The following NFYC variants were observed in gnomAD, a reference collection of about 807,000 sequenced individuals.
The protein encoded by NFYC is nuclear transcription factor Y subunit gamma.
NFYC carries 25 observed loss-of-function variants against 53.1 expected under a neutral mutation model. The ratio of observed to expected loss-of-function variants is 0.47; its 90% CI spans 0.34 to 0.66. NFYC has a LOEUF of 0.66. Ranked by LOEUF, NFYC falls within the 30% of genes least tolerant of loss-of-function variation. The pLI is 0.01. For synonymous variants in NFYC, 145 were observed against 152.6 expected (o/e 0.95, Z 0.37); for missense variants, 260 against 422.7 (o/e 0.62, Z 3.38).
At chr1:40,756,762 A>G (rs1235402351) in intron 5 of NFYC, among the ~76,000 whole-genome samples, 1 of 152,198 alleles carries the variant, frequency 6.6e-6, no homozygotes, top group Non-Finnish European at 1.5e-5. Context: ...TCCTGCCTCT[A>G]ACTGTCTGCC....
At chr1:40,716,135 G>A (rs896232029) in intron 1 of NFYC, among the ~76,000 whole-genome samples, 18 of 152,096 alleles carry the variant, frequency 1.2e-4, no homozygotes, top group African/African-American at 3.6e-4. Context: ...AATTCACCAC[G>A]CATGCATGTC....
chr1:40,770,330 A>C lies in NFYC; in HGVS notation c.889-379A>C. On this transcript the variant is annotated intron_variant, in intron 9 of 9. Coordinates refer to ENST00000447388, the MANE Select transcript of NFYC (RefSeq NM_014223.5). The surrounding 1 kb of genome is among the most constrained non-coding windows in gnomAD (Gnocchi z 5.3). ...CTGCCCCTGCCAGTGTAGATTACCA[A>C]GAGTTGGGGAAATGCTGACTTCCAA... The C allele has an allele frequency of 4.2e-6, 6 of 1,442,164 alleles. No individual in the cohort carries two copies. The highest frequency in any genetic ancestry group is 1.4e-5 in the South Asian group (1 of 73,898). The allele number at this position is 1,442,164 out of a possible 1,614,324, so 89.3% of individuals were successfully genotyped here. A position where few individuals can be genotyped will look rare whatever the true frequency, so the allele number is the denominator to read the frequency against.
At chr1:40,723,243 A>G (rs12727412) in intron 1 of NFYC, 32,551 of 152,120 alleles carry the variant, frequency 0.21, 4,126 homozygotes, top group South Asian at 0.41. Context: ...AAACTGGGCA[A>G]GAGGCTGTTT....
chr1:40,728,458 G>A (rs549414669), intron 1 of NFYC, among the ~76,000 whole-genome samples: 2 of 151,900 alleles, frequency 1.3e-5, no homozygotes, highest in South Asian at 4.2e-4. Flanking sequence ...TTAGCTGGGC[G>A]TGGTGGCGCA....
chr1:40,727,532 C>CTTTTTT (rs372284521), intron 1 of NFYC, among the ~76,000 whole-genome samples: 1 of 130,146 alleles, frequency 7.7e-6, no homozygotes, highest in South Asian at 2.5e-4. Context: ...CATGAATATT[C>CTTTTTT]TTTTTTTTTT....
chr1:40,703,231 T>G (rs143779230), intron 1 of NFYC, among the ~76,000 whole-genome samples: 1 of 152,144 alleles, frequency 6.6e-6, no homozygotes, highest in African/African-American at 2.4e-5. Flanking sequence ...GGCTCACACA[T>G]ACAATCCCAG....
intron 5 of NFYC, 95 bp downstream of exon 5, chr1:40,753,341 C>G: frequency 1.2e-6 from 1 of 801,724 alleles, no homozygotes; most frequent in Non-Finnish European, 2.1e-6. Flanking sequence ...AAGTCATTTG[C>G]TATTCCTTTT....
At chr1:40,713,344 A>G (rs1454042662) in intron 1 of NFYC, among the ~76,000 whole-genome samples, 1 of 152,250 alleles carries the variant, frequency 6.6e-6, no homozygotes, top group Non-Finnish European at 1.5e-5. Flanking sequence ...GTTTGGCAAA[A>G]TTGATACTGA....
intron 7 of NFYC, among the ~76,000 whole-genome samples, chr1:40,764,678 T>G (rs2361650): frequency 6.6e-6 from 1 of 152,116 alleles, no homozygotes; most frequent in African/African-American, 2.4e-5. Flanking sequence ...CCAGACTCTT[T>G]AGGCAGCTCA....
chr1:40,744,627 G>GGT (rs1645516369), intron 2 of NFYC, among the ~76,000 whole-genome samples: 1 of 152,192 alleles, frequency 6.6e-6, no homozygotes. Flanking sequence ...GTAGTTCTTT[G>GGT]GTAGTGGTCA....
At chr1:40,760,346 C>T (rs1646474942) in intron 6 of NFYC, among the ~76,000 whole-genome samples, 1 of 152,162 alleles carries the variant, frequency 6.6e-6, no homozygotes, top group Admixed American at 6.5e-5. Context: ...GCAGGAGGGT[C>T]GCATGGGCCC....
At position 40,755,830 on chromosome 1, in the gene NFYC, T is replaced by A. The variant is rs573125519; in HGVS notation, c.388-2291T>A. On this transcript the variant is annotated intron_variant, in intron 5 of 9. Coordinates refer to ENST00000447388, the MANE Select transcript of NFYC (RefSeq NM_014223.5). ...GTAAGCAGCATAGGAGGAGCTCTTGTCCTGCTCTCACAGCTTTTGGCAAGA... is the reference window on the plus strand; with the variant it reads ...GTAAGCAGCATAGGAGGAGCTCTTGACCTGCTCTCACAGCTTTTGGCAAGA... Among the ~76,000 whole-genome samples the A allele has an allele frequency of 3.3e-5, 5 of 152,304 alleles. No homozygotes were observed. The South Asian group carries it at 1.0e-3, about 32-fold the overall frequency.
At chr1:40,759,454 T>C (rs1329719259) in intron 6 of NFYC, among the ~76,000 whole-genome samples, 1 of 151,796 alleles carries the variant, frequency 6.6e-6, no homozygotes, top group African/African-American at 2.4e-5. Flanking sequence ...GAGGATCGCT[T>C]GAGCCAAGGA....
chr1:40,719,055 AGAGACGGGG>A (rs1323323942), intron 1 of NFYC, among the ~76,000 whole-genome samples: 7 of 152,154 alleles, frequency 4.6e-5, no homozygotes, highest in Admixed American at 1.3e-4. Flanking sequence ...TATTTTTAGT[AGAGACGGGG>A]TTTCACCATG....
chr1:40,757,840 G>C, intron 5 of NFYC: 1 of 512,322 alleles, frequency 2.0e-6, no homozygotes, highest in South Asian at 2.1e-5. Flanking sequence ...TTTTAGTTAC[G>C]GTACTTATTT....
At chr1:40,747,747 C>A in intron 3 of NFYC, 142 bp downstream of exon 3, 1 of 637,894 alleles carries the variant, frequency 1.6e-6, no homozygotes, top group South Asian at 2.2e-5. Flanking sequence ...GGTTCCTGTG[C>A]AAAATTGTTA....
intron 1 of NFYC, among the ~76,000 whole-genome samples, chr1:40,708,695 T>C (rs1643836714): frequency 6.6e-6 from 1 of 152,234 alleles, no homozygotes; most frequent in Non-Finnish European, 1.5e-5. Context: ...GCCACTAACA[T>C]AATGACAGAT....
At chr1:40,746,053 A>G (rs1645591666) in intron 2 of NFYC, among the ~76,000 whole-genome samples, 1 of 152,120 alleles carries the variant, frequency 6.6e-6, no homozygotes, top group Non-Finnish European at 1.5e-5. Flanking sequence ...TACATTTACT[A>G]TTAGTTGAGT....
intron 5 of NFYC, among the ~76,000 whole-genome samples, chr1:40,753,908 C>T (rs1646058943): frequency 6.6e-6 from 1 of 152,188 alleles, no homozygotes; most frequent in African/African-American, 2.4e-5. Context: ...CCCGTCTCTT[C>T]TGCCTGCCCC....
Sources: gnomAD v4.1 joint callset for allele counts (sites outside exome capture counted in the v4.1 genomes callset) on GRCh38, gnomAD v4.1.1 for gene constraint, Gnocchi (gnomAD v3.1) non-coding constraint, MANE v1.5 for transcripts, NCBI Gene and HGNC (gene_info 2026-07-23, HGNC 2026-07-21) for gene names.